The following CRELD1 variants were observed in gnomAD, a reference collection of about 807,000 sequenced individuals.
CRELD1 encodes CRELD disulfide isomerase 1, also known as protein disulfide isomerase CRELD1.
Under a neutral mutation model 58.2 loss-of-function variants are expected in CRELD1, and 42 were observed. The observed-to-expected ratio is 0.72, with a 90% CI of 0.56 to 0.93. The LOEUF is 0.93. Among genes scored for constraint, CRELD1 ranks in the 40% least tolerant of loss-of-function variants. CRELD1 has a pLI of 0.00. For synonymous variants in CRELD1, 222 were observed against 202.0 expected (o/e 1.10, Z -0.84); for missense variants, 500 against 540.6 (o/e 0.92, Z 0.74).
intron 5 of CRELD1, chr3:9,938,515 G>A (rs953398863): frequency 4.7e-5 from 9 of 190,502 alleles, no homozygotes; most frequent in Non-Finnish European, 8.8e-5. Flanking sequence ...AGTCTTTCCT[G>A]AAGCTACAGA....
rs756972331 is a variant in CRELD1, at chr3:9,934,405, G to T, written c.-19-15G>T. 9.4e-6 allele frequency: 15 copies of T among 1,598,484 alleles called. No homozygotes were observed. Among genetic ancestry groups the T allele is most frequent in the Non-Finnish European group, 1.3e-5 (15 of 1,166,176 alleles). The stretch of plus-strand genomic sequence containing the variant: ...GACTCCTTCAGTGAAGCCTCTCCAC[G>T]CCCTCTATCTGCAGGTCCCCAGCCT... On this transcript the variant is annotated splice_polypyrimidine_tract_variant and intron_variant, in intron 1 of 10. Coordinates refer to ENST00000452070, the MANE Select transcript of CRELD1 (RefSeq NM_001077415.3).
At chr3:9,939,329 T>G (rs1046716976) in intron 5 of CRELD1, among the ~76,000 whole-genome samples, 69 of 152,206 alleles carry the variant, frequency 4.5e-4, no homozygotes, top group Non-Finnish European at 9.1e-4. Flanking sequence ...TTATCTTGTT[T>G]TTTTTGTTTT....
chr3:9,943,548 A>C, intron 10 of CRELD1, 33 bp downstream of exon 10: 1 of 1,613,732 alleles, frequency 6.2e-7, no homozygotes, highest in South Asian at 1.1e-5. Flanking sequence ...GGAGGTCCTC[A>C]TTCAAAGAGA....
chr3:9,943,949 TG>T (rs2085444913), intron 10 of CRELD1: 1 of 1,414,194 alleles, frequency 7.1e-7, no homozygotes, highest in Non-Finnish European at 1.0e-6. Flanking sequence ...AACCCGACGC[TG>T]GAAGTTGGGT....
intron 5 of CRELD1, 59 bp downstream of exon 5, chr3:9,938,165 C>A: frequency 7.6e-7 from 1 of 1,314,540 alleles, no homozygotes; most frequent in Non-Finnish European, 1.1e-6. Flanking sequence ...GGGATCCAGT[C>A]CTGGCTCTGT....
chr3:9,937,500 C>A, intron 3 of CRELD1, 62 bp from the exon 4 acceptor site: 2 of 1,102,620 alleles, frequency 1.8e-6, no homozygotes, highest in South Asian at 2.6e-5. Flanking sequence ...TGGAGAGAGA[C>A]TTGAGGAGGG....
Position 9,943,440 on chromosome 3 carries a change from G to T in CRELD1, c.973G>T (p.Glu325Ter). Residue 325 changes from glutamate to a stop codon, truncating the protein, a stop_gained, in exon 10 of 11, where the codon GAG becomes TAG. Coordinates refer to ENST00000452070, the MANE Select transcript of CRELD1 (RefSeq NM_001077415.3). LOFTEE classifies it high-confidence loss of function. ...AGAGAACAAGCAGTGTGAAAACACCGAGGGCGGTTATCGCTGCATCTGTGC... is the reference window on the plus strand; with the variant it reads ...AGAGAACAAGCAGTGTGAAAACACCTAGGGCGGTTATCGCTGCATCTGTGC... Reference protein sequence around the residue: ...PGENKQCENTEGGYRCICAEG... With the variant: ...PGENKQCENT The T allele has an allele frequency of 6.2e-7, 1 of 1,614,026 alleles. No homozygotes were observed. The highest frequency in any genetic ancestry group is 8.5e-7 in the Non-Finnish European group (1 of 1,179,974).
rs746095271 is a variant in CRELD1 at position 9,938,106 on chromosome 3, C to G, written c.460C>G (p.Pro154Ala). The G allele has an allele frequency of 3.7e-6, 6 of 1,612,522 alleles. No individual in the cohort carries two copies. The African/African-American group carries it at 4.0e-5, about 11-fold the overall frequency. ...AGGCACCTTCGGGCCCTCCTGCCTTCGTGAGTTTTTAAGTTGCTCTTGGGG... is the reference window on the plus strand; with the variant it reads ...AGGCACCTTCGGGCCCTCCTGCCTTGGTGAGTTTTTAAGTTGCTCTTGGGG... ...PAGTFGPSCLPCPGGTERPCG... is the reference protein window; with the variant it reads ...PAGTFGPSCLACPGGTERPCG... The change falls in exon 5 of 11, where the codon CCC (proline) becomes GCC (alanine). Residue 154 changes from proline (P) to alanine (A), a missense_variant and splice_region_variant. Physicochemically the swap from Pro to Ala is conservative, Grantham distance 27 (BLOSUM62 -1). Transcript: ENST00000452070.
chr3:9,933,873 G>A lies in CRELD1; in HGVS notation c.-67G>A. ...ACGCGGTGAGGAGACGGCCCACGGC[G>A]CCCGCGGGCTGGGGCGGTCGCTTCT... On this transcript the variant is annotated 5_prime_UTR_variant, in exon 1 of 11. Transcript: ENST00000452070. 2.1e-6 allele frequency: 1 copy of A among 484,534 alleles called. No individual in the cohort carries two copies. Among genetic ancestry groups the A allele is most frequent in the Non-Finnish European group, 3.7e-6 (1 of 272,780 alleles). 30.0% of individuals were successfully genotyped at this position (484,534 alleles called of 1,614,324 possible).
At chr3:9,934,673 G>C in intron 2 of CRELD1, 61 bp downstream of exon 2, 1 of 1,583,202 alleles carries the variant, frequency 6.3e-7, no homozygotes. Context: ...GGAACTCTGG[G>C]ATGCAAATCT....
intron 5 of CRELD1, 54 bp downstream of exon 5, chr3:9,938,160 C>A: frequency 7.5e-7 from 1 of 1,335,608 alleles, no homozygotes; most frequent in Non-Finnish European, 1.1e-6. Flanking sequence ...GTCCAGGGAT[C>A]CAGTCCTGGC....
In CRELD1 at chr3:9,934,432, G is replaced by C. The variant is rs1267894364; in HGVS notation, c.-7G>C. 6.2e-7 allele frequency: 1 copy of C among 1,613,480 alleles called. No homozygotes were observed. The highest frequency in any genetic ancestry group is 1.7e-5 in the Admixed American group (1 of 60,002). The stretch of plus-strand genomic sequence containing the variant: ...CCTCTATCTGCAGGTCCCCAGCCTG[G>C]GTAAAGATGGCCCCATGGCCCCCGA... On this transcript the variant is annotated 5_prime_UTR_variant, in exon 2 of 11. Transcript: ENST00000452070.
chr3:9,941,185 C>G lies in CRELD1; in HGVS notation c.712C>G (p.Leu238Val), dbSNP rs1295164618. ...NCLQCKKGWA[L>V]HHLKCVDIDE... ...TTTGCAATGCAAGAAGGGCTGGGCC[C>G]TGCATCACCTCAAGTGTGTAGGTAA... Residue 238 changes from leucine to valine, a missense_variant, in exon 7 of 11, where the codon CTG (leucine) becomes GTG (valine). Physicochemically the swap from Leu to Val is conservative, Grantham distance 32 (BLOSUM62 1). Transcript: ENST00000452070. 1 of 1,613,920 alleles carries G rather than the reference C, an allele frequency of 6.2e-7. No homozygotes were observed. Among genetic ancestry groups the G allele is most frequent in the East Asian group, 2.2e-5 (1 of 44,890 alleles).
chr3:9,934,669 C>T (rs1220044454), intron 2 of CRELD1, 57 bp downstream of exon 2: 1 of 1,587,908 alleles, frequency 6.3e-7, no homozygotes, highest in East Asian at 2.2e-5. Context: ...GTGGGGAACT[C>T]TGGGATGCAA....
rs750937925 is a variant in CRELD1, at chr3:9,944,448, C to T, written c.1132C>T (p.Leu378=). ...QMFFGIIICA[L]ATLAAKGDLV... ...GTTCTTTGGCATCATCATCTGTGCA[C>T]TGGCCACGCTGGCTGCTAAGGGCGA... The change falls in exon 11 of 11, where the codon CTG becomes TTG. Residue 378 remains leucine, a synonymous_variant. Transcript: ENST00000452070. 10 of 1,613,902 alleles carry T rather than the reference C, an allele frequency of 6.2e-6. No homozygotes were observed. In the South Asian group the frequency reaches 9.9e-5, roughly 16 times the overall value.
chr3:9,938,003 C>T lies in CRELD1; in HGVS notation c.369-12C>T, dbSNP rs781178900. The T allele has an allele frequency of 1.1e-5, 18 of 1,603,376 alleles. No individual in the cohort carries two copies. The highest frequency in any genetic ancestry group is 2.2e-5 in the South Asian group (2 of 90,758). The stretch of plus-strand genomic sequence containing the variant: ...CTCCTCCCCACCTCCCTCCACCCTG[C>T]CCCTGCCTCAGGCAGCAGGAGGCCC... On this transcript the variant is annotated splice_polypyrimidine_tract_variant and intron_variant, in intron 4 of 10. Transcript: ENST00000452070.
In CRELD1 at chr3:9,934,510, A is replaced by T. The variant is rs747158783; in HGVS notation, c.72A>T (p.Pro24=). Reference sequence around the variant, plus strand: ...GCCTCAGCCTCTTCCTCAACCTCCCAGGACCTATCTGGCTCCAGCCCTCTC... The same window carrying T: ...GCCTCAGCCTCTTCCTCAACCTCCCTGGACCTATCTGGCTCCAGCCCTCTC... ...LWGLSLFLNL[P]GPIWLQPSPP... is the part of the protein sequence containing the mutation. The change falls in exon 2 of 11, where the codon CCA becomes CCT. Residue 24 remains proline (P), a synonymous_variant. Coordinates refer to ENST00000452070, the MANE Select transcript of CRELD1 (RefSeq NM_001077415.3). The T allele has an allele frequency of 4.3e-6, 7 of 1,613,198 alleles. No individual in the cohort carries two copies. In the South Asian group the frequency reaches 6.6e-5, roughly 15 times the overall value.
Position 9,937,623 on chromosome 3 carries a change from C to A in CRELD1, c.319C>A (p.Arg107Ser), listed in dbSNP as rs756789276. 1.6e-5 allele frequency: 25 copies of A among 1,612,134 alleles called. No homozygotes were observed. Among genetic ancestry groups the A allele is most frequent in the Non-Finnish European group, 2.1e-5 (25 of 1,179,608 alleles). Residue 107 changes from arginine (R) to serine (S), a missense_variant, in exon 4 of 11, where the codon CGC becomes AGC. By Grantham distance (110) the Arg-to-Ser change is moderately radical. Transcript: ENST00000452070. ...CAGCAAGTCAGACTTCGAGTGCCAC[C>A]GCCTGCTGGAGCTGAGTGAGGAGCT... ...VCSKSDFECH[R>S]LLELSEELVE...
At chr3:9,942,725 C>A in intron 7 of CRELD1, 88 bp from the exon 8 acceptor site, 1 of 1,027,246 alleles carries the variant, frequency 9.7e-7, no homozygotes, top group Non-Finnish European at 1.5e-6. Flanking sequence ...ACCATTTAAT[C>A]CCAGGCAAGA....
Sources: gnomAD v4.1 joint callset for allele counts (sites outside exome capture counted in the v4.1 genomes callset) on GRCh38, gnomAD v4.1.1 for gene constraint, MANE v1.5 for transcripts, NCBI Gene and HGNC (gene_info 2026-07-23, HGNC 2026-07-21) for gene names.